The following CDH18 variants were observed in gnomAD, a reference collection of about 807,000 sequenced individuals.
CDH18 encodes cadherin-18.
CDH18 carries 31 observed loss-of-function variants against 67.9 expected under a neutral mutation model. The observed-to-expected ratio is 0.46, with a 90% CI of 0.34 to 0.62. The LOEUF (loss-of-function observed/expected upper bound fraction) is 0.62. Ranked by LOEUF, CDH18 falls within the 20% of genes least tolerant of loss-of-function variation. The pLI is 0.01. For synonymous variants in CDH18, 362 were observed against 347.2 expected (o/e 1.04, Z -0.48); for missense variants, 890 against 975.5 (o/e 0.91, Z 1.17).
intron 1 of CDH18, among the ~76,000 whole-genome samples, chr5:20,552,305 C>T (rs778057119): frequency 2.6e-5 from 4 of 151,914 alleles, no homozygotes; most frequent in African/African-American, 4.8e-5. Flanking sequence ...GGTAAAACCT[C>T]GTCTCTACTA....
chr5:20,417,883 A>G (rs1747453254), intron 1 of CDH18, among the ~76,000 whole-genome samples: 1 of 152,154 alleles, frequency 6.6e-6, no homozygotes, highest in Non-Finnish European at 1.5e-5. Context: ...TAGTAATTAG[A>G]CTTTTCTGTA....
At chr5:20,238,436 G>A (rs1302847795) in intron 2 of CDH18, among the ~76,000 whole-genome samples, 2 of 152,042 alleles carry the variant, frequency 1.3e-5, no homozygotes, top group Non-Finnish European at 2.9e-5. Flanking sequence ...TTTTTCCAAA[G>A]AAGATATATG....
intron 2 of CDH18, among the ~76,000 whole-genome samples, chr5:20,190,372 A>G (rs1738441970): frequency 6.6e-6 from 1 of 152,116 alleles, no homozygotes; most frequent in Non-Finnish European, 1.5e-5. Flanking sequence ...CATGTAATGA[A>G]TGATCTGCTT....
chr5:19,979,776 A>G (rs1490997746), intron 2 of CDH18, among the ~76,000 whole-genome samples: 2 of 152,148 alleles, frequency 1.3e-5, no homozygotes, highest in Non-Finnish European at 2.9e-5. Context: ...GGCATCAAGA[A>G]TGTTCCATTT....
rs374436215 is a variant in CDH18, at chr5:20,304,003, A to C, written c.-579-48498T>G. 239 of 1,078,870 alleles carry C rather than the reference A, an allele frequency of 2.2e-4. 2 individuals are homozygous for C. In the East Asian group the frequency reaches 3.5e-3, roughly 16 times the overall value. 66.8% of individuals were successfully genotyped at this position (1,078,870 alleles called of 1,614,324 possible). A position where few individuals can be genotyped will look rare whatever the true frequency, so the allele number is the denominator to read the frequency against. ...AACTAAGTCGAAGGGATGGTGGAAG[A>C]AGCAGCAACTTGGCAATAATTCCGC... is the stretch of plus-strand genomic sequence containing the variant. On this transcript the variant is annotated intron_variant, in intron 1 of 14. Transcript: ENST00000507958.
chr5:20,356,850 T>TAC (rs150094735), intron 1 of CDH18, among the ~76,000 whole-genome samples: 10 of 148,404 alleles, frequency 6.7e-5, no homozygotes, highest in Admixed American at 4.7e-4. Flanking sequence ...CACATATATA[T>TAC]ACACACACAT....
At chr5:20,230,060 G>A (rs1484094169) in intron 2 of CDH18, among the ~76,000 whole-genome samples, 2 of 152,056 alleles carry the variant, frequency 1.3e-5, no homozygotes, top group African/African-American at 2.4e-5. Flanking sequence ...TTCAGGAATG[G>A]GAAATAGAAC....
chr5:20,427,080 GC>G (rs1465274207), intron 1 of CDH18, among the ~76,000 whole-genome samples: 2 of 151,078 alleles, frequency 1.3e-5, no homozygotes. Context: ...CAAAATTACA[GC>G]AGTGAAAACT....
At chr5:20,040,503 A>G (rs960943297) in intron 2 of CDH18, among the ~76,000 whole-genome samples, 3 of 152,158 alleles carry the variant, frequency 2.0e-5, no homozygotes, top group Non-Finnish European at 2.9e-5. Flanking sequence ...GAAATATGTC[A>G]TGAAGATGGA....
rs559820970 is a variant in CDH18 at position 19,714,760 on chromosome 5, C to T, written c.643+6587G>A. Among the ~76,000 whole-genome samples the T allele has an allele frequency of 5.9e-5, 9 of 152,106 alleles. No homozygotes were observed. In the South Asian group the frequency reaches 1.9e-3, roughly 31 times the overall value. On this transcript the variant is annotated intron_variant, in intron 5 of 12. Transcript: ENST00000382275. ...TTATGTCATTTCCATTACTTCATTT[C>T]CTTATAACATTGACGGAAACAATAT...
intron 1 of CDH18, among the ~76,000 whole-genome samples, chr5:20,282,597 G>C (rs2126705716): frequency 6.6e-6 from 1 of 152,202 alleles, no homozygotes; most frequent in African/African-American, 2.4e-5. Flanking sequence ...TTTTTGATGT[G>C]CTGCTGGATT....
intron 12 of CDH18, among the ~76,000 whole-genome samples, chr5:19,474,792 G>T (rs1738164622): frequency 6.6e-6 from 1 of 152,064 alleles, no homozygotes; most frequent in Admixed American, 6.6e-5. Flanking sequence ...TAAATATGGT[G>T]GATTTGTCTT....
At chr5:20,135,716 C>T (rs1749652955) in intron 2 of CDH18, among the ~76,000 whole-genome samples, 2 of 152,090 alleles carry the variant, frequency 1.3e-5, no homozygotes, top group Admixed American at 6.6e-5. Flanking sequence ...CCTGCTTTCT[C>T]TTGTGGGCAT....
At chr5:20,570,830 A>G (rs1312461059) in intron 1 of CDH18, among the ~76,000 whole-genome samples, 2 of 152,158 alleles carry the variant, frequency 1.3e-5, no homozygotes, top group African/African-American at 4.8e-5. Flanking sequence ...TATAAAAACA[A>G]CTATACCCAG....
intron 3 of CDH18, among the ~76,000 whole-genome samples, chr5:19,772,156 C>G (rs1773803335): frequency 6.6e-6 from 1 of 152,154 alleles, no homozygotes; most frequent in African/African-American, 2.4e-5. Context: ...GATTGTCACT[C>G]TTTTTCCTAC....
intron 1 of CDH18, among the ~76,000 whole-genome samples, chr5:20,526,421 C>T (rs529697772): frequency 6.6e-6 from 1 of 152,248 alleles, no homozygotes; most frequent in African/African-American, 2.4e-5. Flanking sequence ...AGCCAGACTC[C>T]ATCCATAAGG....
At chr5:19,732,582 T>C (rs1178969762) in intron 4 of CDH18, among the ~76,000 whole-genome samples, 2 of 152,204 alleles carry the variant, frequency 1.3e-5, no homozygotes, top group Non-Finnish European at 2.9e-5. Flanking sequence ...TTAGCCTTTA[T>C]AGTAATTAAG....
At chr5:19,696,342 G>A (rs1427404983) in intron 5 of CDH18, among the ~76,000 whole-genome samples, 4 of 151,372 alleles carry the variant, frequency 2.6e-5, no homozygotes, top group Non-Finnish European at 5.9e-5. Flanking sequence ...TTCAAGACCA[G>A]CCTGGTCAAC....
chr5:20,305,277 T>C, intron 1 of CDH18: 1 of 1,470,500 alleles, frequency 6.8e-7, no homozygotes, highest in Admixed American at 1.7e-5. Flanking sequence ...CTTTAAAACT[T>C]TTAAAGCCTC....
Sources: gnomAD v4.1 joint callset for allele counts (sites outside exome capture counted in the v4.1 genomes callset) on GRCh38, gnomAD v4.1.1 for gene constraint, MANE v1.5 for transcripts, NCBI Gene and HGNC (gene_info 2026-07-23, HGNC 2026-07-21) for gene names.